SMOC1: variants seen among roughly 807,000 people sequenced by gnomAD.
The protein encoded by SMOC1 is SPARC related modular calcium binding 1.
In SMOC1, 22 loss-of-function variants were observed where a neutral mutation model predicts 56.3. The observed-to-expected ratio is 0.39, with a 90% CI of 0.28 to 0.56. The LOEUF is 0.56. Among genes scored for constraint, SMOC1 ranks in the 20% least tolerant of loss-of-function variants. SMOC1 has a pLI of 0.61. For missense variants in SMOC1, 509 were observed against 565.4 expected, an observed-to-expected ratio of 0.90 and a Z score of 1.01; for synonymous variants, 193 against 215.0, an observed-to-expected ratio of 0.90 and a Z score of 0.89.
chr14:69,927,163 G>A (rs1885033741), intron 1 of SMOC1, among the ~76,000 whole-genome samples: 1 of 152,266 alleles, frequency 6.6e-6, no homozygotes, highest in African/African-American at 2.4e-5. Flanking sequence ...ATTTATTGAG[G>A]TAACATGTGT....
intron 1 of SMOC1, among the ~76,000 whole-genome samples, chr14:69,904,004 C>T (rs1449697676): frequency 6.6e-6 from 1 of 152,072 alleles, no homozygotes; most frequent in South Asian, 2.1e-4. Context: ...TCAGTGAGGT[C>T]GTCTCGGACC....
At chr14:69,990,580 T>G (rs1884527751) in intron 5 of SMOC1, among the ~76,000 whole-genome samples, 1 of 152,156 alleles carries the variant, frequency 6.6e-6, no homozygotes, top group Non-Finnish European at 1.5e-5. Context: ...AGTGGCTCAT[T>G]GAATTCAATG....
chr14:69,885,405 A>C, intron 1 of SMOC1: 2 of 1,600,694 alleles, frequency 1.2e-6, no homozygotes, highest in Non-Finnish European at 8.5e-7. Context: ...CGAGCCACAG[A>C]CTTAGGACCC....
chr14:69,895,242 G>A (rs574270558), intron 1 of SMOC1, among the ~76,000 whole-genome samples: 1 of 152,374 alleles, frequency 6.6e-6, no homozygotes, highest in South Asian at 2.1e-4. Flanking sequence ...GCATTTCATA[G>A]CATTCTCATT....
Position 70,030,400 on chromosome 14 carries a change from C to A in SMOC1, c.*142C>A. The A allele has an allele frequency of 9.9e-7, 1 of 1,012,164 alleles. No homozygotes were observed. The highest frequency in any genetic ancestry group is 1.5e-6 in the Non-Finnish European group (1 of 673,214). The allele number at this position is 1,012,164 out of a possible 1,614,324, so 62.7% of individuals were successfully genotyped here. ...CACCATGTTTGCACTTTTAATAACT[C>A]TTACTTGCGTGTTTTGTTTTTGGTT... is the stretch of plus-strand genomic sequence containing the variant. On this transcript the variant is annotated 3_prime_UTR_variant, in exon 12 of 12. Transcript: ENST00000361956.
At chr14:70,028,210 G>C (rs759820214) in intron 11 of SMOC1, among the ~76,000 whole-genome samples, 1 of 152,152 alleles carries the variant, frequency 6.6e-6, no homozygotes, top group Non-Finnish European at 1.5e-5. Context: ...AATTTATAAA[G>C]CACCTTCACT....
At chr14:70,029,108 C>T (rs886198509) in intron 11 of SMOC1, among the ~76,000 whole-genome samples, 2 of 152,164 alleles carry the variant, frequency 1.3e-5, no homozygotes, top group Non-Finnish European at 2.9e-5. Flanking sequence ...CACAGAGTCA[C>T]GTGGCCCTAA....
chr14:70,017,959 C>A (rs1037678408), intron 10 of SMOC1, among the ~76,000 whole-genome samples: 2 of 152,058 alleles, frequency 1.3e-5, no homozygotes, highest in African/African-American at 4.8e-5. Flanking sequence ...GGCCTTCCAG[C>A]AGAGGGGACC....
intron 11 of SMOC1, among the ~76,000 whole-genome samples, chr14:70,028,720 G>T (rs1886023987): frequency 6.6e-6 from 1 of 152,186 alleles, no homozygotes; most frequent in Admixed American, 6.5e-5. Flanking sequence ...GGAAAGGTGG[G>T]ATTTGAAGTC....
At position 69,953,445 on chromosome 14, in the gene SMOC1, G is replaced by C. The variant is rs775488855; in HGVS notation, c.291G>C (p.Leu97=). 6.8e-6 allele frequency: 11 copies of C among 1,614,234 alleles called. No individual in the cohort carries two copies. In the South Asian group the frequency reaches 1.2e-4, roughly 18 times the overall value. Residue 97 remains leucine (L), a synonymous_variant, in exon 3 of 12, where the codon CTG becomes CTC. Coordinates refer to ENST00000361956, the MANE Select transcript of SMOC1 (RefSeq NM_001034852.3). ...CKDAGQSKCR[L]ERAQALEQAK... is the part of the protein sequence containing the mutation. ...ATGCTGGCCAGAGCAAGTGTCGCCT[G>C]GAGCGGGCTCAAGCCCTGGAGCAAG...
At chr14:69,964,350 T>C (rs1883489311) in intron 3 of SMOC1, among the ~76,000 whole-genome samples, 1 of 150,292 alleles carries the variant, frequency 6.7e-6, no homozygotes, top group Admixed American at 6.6e-5. Flanking sequence ...GGCTCAGTAA[T>C]GGGAGGCTTC....
At position 69,949,736 on chromosome 14, in the gene SMOC1, C is replaced by G. The variant is rs1439615520; in HGVS notation, c.100-2402C>G. On this transcript the variant is annotated intron_variant, in intron 1 of 11. Transcript: ENST00000361956. ...TAAATGGGAAGCAGGCCCGTGTGCC[C>G]CACCAGCAGGGAGCAAGGGGGAGCA... Among the ~76,000 whole-genome samples, 3 of 152,246 alleles carry G rather than the reference C, an allele frequency of 2.0e-5. No homozygotes were observed. The East Asian group carries it at 5.8e-4, about 30-fold the overall frequency.
chr14:70,019,664 G>C (rs1414697212), intron 10 of SMOC1, among the ~76,000 whole-genome samples: 2 of 152,178 alleles, frequency 1.3e-5, no homozygotes, highest in African/African-American at 4.8e-5. Context: ...CTATGGCTTT[G>C]TGGTTGAGGG....
intron 9 of SMOC1, 119 bp from the exon 10 acceptor site, chr14:70,013,267 A>G: frequency 3.5e-6 from 3 of 867,274 alleles, no homozygotes; most frequent in South Asian, 1.4e-5. Flanking sequence ...ACAAATCACT[A>G]AAGTGGATTT....
At chr14:69,912,918 G>C (rs1884591226) in intron 1 of SMOC1, among the ~76,000 whole-genome samples, 1 of 152,118 alleles carries the variant, frequency 6.6e-6, no homozygotes, top group African/African-American at 2.4e-5. Context: ...GAAATATCCA[G>C]GCCTGTTTAT....
At chr14:69,883,116 C>T (rs193287856) in intron 1 of SMOC1, among the ~76,000 whole-genome samples, 2 of 152,342 alleles carry the variant, frequency 1.3e-5, no homozygotes, top group Admixed American at 6.5e-5. Context: ...AGCATTACCT[C>T]GCATAATTAT....
chr14:69,982,234 G>T (rs1313192312), intron 5 of SMOC1, among the ~76,000 whole-genome samples: 1 of 152,228 alleles, frequency 6.6e-6, no homozygotes, highest in East Asian at 1.9e-4. Context: ...AAACTTTTCT[G>T]CATGGGCTTC....
At chr14:69,947,510 A>C (rs1403503796) in intron 1 of SMOC1, among the ~76,000 whole-genome samples, 1 of 152,102 alleles carries the variant, frequency 6.6e-6, no homozygotes, top group Non-Finnish European at 1.5e-5. Context: ...GGCCTAACAT[A>C]CTGTCTAATT....
chr14:70,026,684 G>A (rs1216905194), intron 11 of SMOC1, among the ~76,000 whole-genome samples: 2 of 152,078 alleles, frequency 1.3e-5, no homozygotes, highest in African/African-American at 4.8e-5. Context: ...CACCTCAAAG[G>A]TAGGACTATG....
Sources: allele counts gnomAD v4.1 joint callset (sites outside exome capture counted in the v4.1 genomes callset), GRCh38; gene constraint gnomAD v4.1.1; transcripts MANE v1.5; gene names NCBI Gene and HGNC (gene_info 2026-07-23, HGNC 2026-07-21).